AGBL4: variants seen among roughly 807,000 people sequenced by gnomAD.
The protein encoded by AGBL4 is cytosolic carboxypeptidase 6.
Under a neutral mutation model 66.4 loss-of-function variants are expected in AGBL4, and 58 were observed. The observed-to-expected ratio is 0.87, with a 90% CI of 0.71 to 1.09. The LOEUF (loss-of-function observed/expected upper bound fraction) is 1.09, where lower values mean the gene tolerates loss of function less well. Ranked by LOEUF, AGBL4 falls within the 50% of genes least tolerant of loss-of-function variation. The pLI, the probability that AGBL4 is intolerant of heterozygous loss-of-function variation, is 0.00. For missense variants in AGBL4, 579 were observed against 631.0 expected (o/e 0.92, Z 0.88); for synonymous variants, 234 against 222.9 (o/e 1.05, Z -0.44).
rs76652001 is a variant in AGBL4 at position 49,810,540 on chromosome 1, T to C, written c.157+40856A>G. ...TCATAAGGTGAAGACTTGATGTTAA[T>C]AGGGGGTACTGGAGAAGGCTATATA... is the stretch of plus-strand genomic sequence containing the variant. On this transcript the variant is annotated intron_variant, in intron 2 of 13. Coordinates refer to ENST00000371839, the MANE Select transcript of AGBL4 (RefSeq NM_032785.4). Among the ~76,000 whole-genome samples the C allele has an allele frequency of 8.3e-4, 126 of 152,116 alleles. 5 individuals carry two copies. The East Asian group carries it at 0.019, about 23-fold the overall frequency.
chr1:49,375,758 T>A (rs1644459748), intron 3 of AGBL4, among the ~76,000 whole-genome samples: 1 of 152,116 alleles, frequency 6.6e-6, no homozygotes, highest in Admixed American at 6.6e-5. Flanking sequence ...TCAAGGCCAG[T>A]TCTATCCTGC....
rs550260319 is a variant in AGBL4 at position 49,503,728 on chromosome 1, T to A, written c.282+193585A>T. 2.6e-5 allele frequency among the ~76,000 whole-genome samples: 4 copies of A among 152,314 alleles called. No individual in the cohort carries two copies. The South Asian group carries it at 8.3e-4, about 32-fold the overall frequency. On this transcript the variant is annotated intron_variant, in intron 3 of 13. Coordinates refer to ENST00000371839, the MANE Select transcript of AGBL4 (RefSeq NM_032785.4). ...GTATTTTGGACTTGCATGGGGCCTA[T>A]GGCCCTTTTGTTTAGGCCAATTTCT... is the stretch of plus-strand genomic sequence containing the variant.
chr1:49,361,412 G>A (rs1470612647), intron 3 of AGBL4, among the ~76,000 whole-genome samples: 6 of 152,140 alleles, frequency 3.9e-5, no homozygotes, highest in East Asian at 1.9e-4. Flanking sequence ...TGCAACCTCC[G>A]CCTCCTGGTT....
At chr1:48,881,196 C>T (rs1186460104) in intron 5 of AGBL4, among the ~76,000 whole-genome samples, 4 of 152,128 alleles carry the variant, frequency 2.6e-5, no homozygotes, top group Admixed American at 1.3e-4. Context: ...TTTACACTTC[C>T]ATGAATAATG....
At chr1:49,477,992 C>G (rs6679263) in intron 3 of AGBL4, among the ~76,000 whole-genome samples, 2 of 151,130 alleles carry the variant, frequency 1.3e-5, no homozygotes, top group African/African-American at 4.9e-5. Flanking sequence ...ATCTTGAATA[C>G]AGGCTATTTG....
intron 5 of AGBL4, among the ~76,000 whole-genome samples, chr1:48,906,951 G>A (rs1652654283): frequency 6.6e-6 from 1 of 152,138 alleles, no homozygotes. Context: ...TACATCAACT[G>A]TGAAAAACAG....
intron 6 of AGBL4, among the ~76,000 whole-genome samples, chr1:48,804,295 G>A (rs374011562): frequency 6.6e-6 from 1 of 152,130 alleles, no homozygotes; most frequent in African/African-American, 2.4e-5. Flanking sequence ...CCCATTACAG[G>A]GTTGTCTGTA....
At chr1:49,568,422 C>T (rs1337593837) in intron 3 of AGBL4, among the ~76,000 whole-genome samples, 1 of 149,122 alleles carries the variant, frequency 6.7e-6, no homozygotes, top group Non-Finnish European at 1.5e-5. Flanking sequence ...GGGAATACAA[C>T]TAGGCAGGGA....
At chr1:49,788,427 A>T (rs1318469648) in intron 2 of AGBL4, among the ~76,000 whole-genome samples, 1 of 152,134 alleles carries the variant, frequency 6.6e-6, no homozygotes, top group East Asian at 1.9e-4. Flanking sequence ...AATGAAAAGA[A>T]AAAAACTCCA....
chr1:48,980,557 G>A (rs1251136933), intron 5 of AGBL4, among the ~76,000 whole-genome samples: 1 of 151,592 alleles, frequency 6.6e-6, no homozygotes, highest in East Asian at 1.9e-4. Flanking sequence ...CACTTGAGCT[G>A]GGCATGGTGG....
chr1:49,849,917 CT>C (rs1300908709), intron 2 of AGBL4, among the ~76,000 whole-genome samples: 2 of 151,984 alleles, frequency 1.3e-5, no homozygotes, highest in East Asian at 3.9e-4. Flanking sequence ...GTAAAGGGTC[CT>C]TATGTCTTTA....
At chr1:49,753,788 A>C (rs1651663801) in intron 2 of AGBL4, among the ~76,000 whole-genome samples, 1 of 151,468 alleles carries the variant, frequency 6.6e-6, no homozygotes, top group South Asian at 2.1e-4. Context: ...TTTTTCTCTA[A>C]TCTTGTCTTC....
intron 3 of AGBL4, among the ~76,000 whole-genome samples, chr1:49,416,282 G>A (rs531176599): frequency 1.1e-4 from 16 of 152,190 alleles, no homozygotes; most frequent in Middle Eastern, 3.4e-3. Context: ...TATACATTGT[G>A]TGCATACCTG....
chr1:48,652,916 A>G (rs1645954364), intron 8 of AGBL4, among the ~76,000 whole-genome samples: 1 of 152,200 alleles, frequency 6.6e-6, no homozygotes, highest in African/African-American at 2.4e-5. Flanking sequence ...AGTCATCATT[A>G]TAACTACCCC....
chr1:48,947,129 C>T (rs1235792842), intron 5 of AGBL4, among the ~76,000 whole-genome samples: 2 of 152,228 alleles, frequency 1.3e-5, no homozygotes, highest in Non-Finnish European at 2.9e-5. Flanking sequence ...TCCAGTTAAC[C>T]CTTATTCTTT....
intron 3 of AGBL4, among the ~76,000 whole-genome samples, chr1:49,365,745 C>T (rs1050548116): frequency 1.1e-4 from 16 of 152,148 alleles, no homozygotes; most frequent in Admixed American, 9.8e-4. Flanking sequence ...TTTTTCACCT[C>T]TGCTTGTCTT....
At chr1:49,093,023 A>G (rs1216281750) in intron 4 of AGBL4, among the ~76,000 whole-genome samples, 1 of 152,126 alleles carries the variant, frequency 6.6e-6, no homozygotes, top group African/African-American at 2.4e-5. Context: ...GAAAAGACAT[A>G]AAATCCTGGA....
In AGBL4 at chr1:49,356,479, A is replaced by G. The variant is rs143550341; in HGVS notation, c.283-110615T>C. 3.4e-3 allele frequency among the ~76,000 whole-genome samples: 516 copies of G among 152,312 alleles called. 5 individuals carry two copies. Among genetic ancestry groups the G allele is most frequent in the African/African-American group, 0.012 (500 of 41,576 alleles). Reference sequence around the variant, plus strand: ...GATTAATGTTATTTTCAGGCAAGCAACTGTCTCTTCTATCACCTTACATTT... The same window carrying G: ...GATTAATGTTATTTTCAGGCAAGCAGCTGTCTCTTCTATCACCTTACATTT... On this transcript the variant is annotated intron_variant, in intron 3 of 13. Coordinates refer to ENST00000371839, the MANE Select transcript of AGBL4 (RefSeq NM_032785.4).
chr1:49,485,598 A>G (rs904361776), intron 3 of AGBL4, among the ~76,000 whole-genome samples: 2 of 151,822 alleles, frequency 1.3e-5, no homozygotes, highest in South Asian at 4.2e-4. Context: ...CCTAAAACTT[A>G]AAGTATAATA....
Sources: gnomAD v4.1 joint callset for allele counts (sites outside exome capture counted in the v4.1 genomes callset) on GRCh38, gnomAD v4.1.1 for gene constraint, MANE v1.5 for transcripts, NCBI Gene and HGNC (gene_info 2026-07-23, HGNC 2026-07-21) for gene names.